Variants in DAB1 observed in about 807,000 individuals in gnomAD.
DAB1 encodes the protein DAB adaptor protein 1.
DAB1 carries 15 observed loss-of-function variants against 64.6 expected under a neutral mutation model. The ratio of observed to expected loss-of-function variants is 0.23; its 90% CI spans 0.16 to 0.36. The LOEUF (loss-of-function observed/expected upper bound fraction) is 0.36, where lower values mean the gene tolerates loss of function less well. DAB1 is among the 10% of genes least tolerant of loss of function. The pLI is 1.00. For synonymous variants in DAB1, 235 were observed against 251.9 expected (o/e 0.93, Z 0.64); for missense variants, 596 against 706.7 (o/e 0.84, Z 1.78).
intron 1 of DAB1, among the ~76,000 whole-genome samples, chr1:57,292,933 G>T (rs61767391): frequency 1.3e-5 from 2 of 152,114 alleles, no homozygotes; most frequent in African/African-American, 4.8e-5. Flanking sequence ...AAGCTTCAAA[G>T]AGGATAAGCC....
chr1:58,122,076 T>C (rs1487881538), intron 5 of DAB1, among the ~76,000 whole-genome samples: 1 of 152,204 alleles, frequency 6.6e-6, no homozygotes, highest in Non-Finnish European at 1.5e-5. Context: ...TTCTTGATCA[T>C]GCTCTGAGGC....
At chr1:58,363,442 G>T (rs529301486) in intron 3 of DAB1, among the ~76,000 whole-genome samples, 10 of 152,280 alleles carry the variant, frequency 6.6e-5, no homozygotes, top group Admixed American at 2.0e-4. Flanking sequence ...CAACTGGTGT[G>T]GTCTGTTAAT....
At chr1:57,751,445 C>G (rs926946212) in intron 6 of DAB1, among the ~76,000 whole-genome samples, 2 of 152,014 alleles carry the variant, frequency 1.3e-5, no homozygotes, top group African/African-American at 2.4e-5. Context: ...GGGATGCTAC[C>G]TCTCAGCCAC....
intron 3 of DAB1, among the ~76,000 whole-genome samples, chr1:58,429,149 T>C (rs944731054): frequency 3.3e-5 from 5 of 152,240 alleles, no homozygotes; most frequent in Non-Finnish European, 7.3e-5. Context: ...CACACATTTA[T>C]AATTCCAGCA....
intron 1 of DAB1, among the ~76,000 whole-genome samples, chr1:57,872,597 C>A: frequency 6.6e-6 from 1 of 152,082 alleles, no homozygotes; most frequent in Admixed American, 6.6e-5. Flanking sequence ...GAAATAGGGC[C>A]CATTCCTCAT....
At chr1:57,194,332 T>C (rs592604) in intron 2 of DAB1, among the ~76,000 whole-genome samples, 26,778 of 152,198 alleles carry the variant, frequency 0.18, 4,766 homozygotes, top group African/African-American at 0.43. Context: ...TTAATGGATG[T>C]TCCTGTTTAG....
At chr1:57,524,489 AAG>A (rs1404550618) in intron 7 of DAB1, among the ~76,000 whole-genome samples, 2 of 152,210 alleles carry the variant, frequency 1.3e-5, no homozygotes, top group African/African-American at 4.8e-5. Context: ...TGAGTCCGAA[AAG>A]AGAGTCAGCA....
chr1:57,347,586 C>T (rs1012611751), intron 1 of DAB1, among the ~76,000 whole-genome samples: 2 of 152,122 alleles, frequency 1.3e-5, no homozygotes, highest in African/African-American at 4.8e-5. Context: ...TCTTCAGCCT[C>T]ATTTATATTT....
chr1:57,821,205 C>T (rs557662634), downstream of DAB1, among the ~76,000 whole-genome samples: 5 of 152,246 alleles, frequency 3.3e-5, no homozygotes, highest in Admixed American at 3.3e-4. Flanking sequence ...GAAAACCTCT[C>T]ACACAGAATT....
At chr1:57,439,425 C>CTTTTT (rs71051230) in intron 7 of DAB1, among the ~76,000 whole-genome samples, 17 of 97,994 alleles carry the variant, frequency 1.7e-4, no homozygotes, top group African/African-American at 2.9e-4. Context: ...GAGGTTTTTT[C>CTTTTT]TTTTTTTTTT....
chr1:57,850,385 A>C (rs1653465201), intron 1 of DAB1, among the ~76,000 whole-genome samples: 1 of 152,182 alleles, frequency 6.6e-6, no homozygotes, highest in Non-Finnish European at 1.5e-5. Context: ...AATTTGCCCA[A>C]GGACACGCTG....
At chr1:57,122,878 G>T (rs1415036641) in intron 4 of DAB1, among the ~76,000 whole-genome samples, 1 of 151,980 alleles carries the variant, frequency 6.6e-6, no homozygotes, top group African/African-American at 2.4e-5. Flanking sequence ...TTTATAAAGT[G>T]CCAAGAACTT....
intron 4 of DAB1, among the ~76,000 whole-genome samples, chr1:58,244,438 G>A (rs960673829): frequency 6.6e-6 from 1 of 152,178 alleles, no homozygotes; most frequent in African/African-American, 2.4e-5. Flanking sequence ...AATATGAAAT[G>A]AGTTAATATA....
At chr1:57,391,331 A>G (rs1278636913) in intron 1 of DAB1, among the ~76,000 whole-genome samples, 1 of 152,192 alleles carries the variant, frequency 6.6e-6, no homozygotes, top group East Asian at 1.9e-4. Flanking sequence ...TTCATGATCT[A>G]TTTTGTTGCA....
At chr1:58,514,530 C>CT (rs1307685024) in intron 2 of DAB1, among the ~76,000 whole-genome samples, 1 of 152,150 alleles carries the variant, frequency 6.6e-6, no homozygotes, top group Non-Finnish European at 1.5e-5. Flanking sequence ...AAGGTAAATC[C>CT]TGACACTGAA....
chr1:57,520,411 C>T (rs1644511653), intron 7 of DAB1, among the ~76,000 whole-genome samples: 1 of 152,048 alleles, frequency 6.6e-6, no homozygotes, highest in African/African-American at 2.4e-5. Flanking sequence ...CGTTTCTTTT[C>T]TAAGTTCATA....
At chr1:58,161,077 A>C (rs1390831882) in intron 4 of DAB1, among the ~76,000 whole-genome samples, 2 of 152,210 alleles carry the variant, frequency 1.3e-5, no homozygotes, top group African/African-American at 4.8e-5. Context: ...CCTAGGCAGG[A>C]AGATGGGACA....
At chr1:57,945,453 TTA>T (rs201662711) in intron 5 of DAB1, among the ~76,000 whole-genome samples, 3,569 of 150,796 alleles carry the variant, frequency 0.024, 146 homozygotes, top group African/African-American at 0.081. Context: ...ATTATTATTA[TTA>T]TTTTGGCAGA....
intron 5 of DAB1, among the ~76,000 whole-genome samples, chr1:57,998,121 A>G (rs1387480530): frequency 6.6e-6 from 1 of 152,146 alleles, no homozygotes; most frequent in Admixed American, 6.5e-5. Flanking sequence ...GTACTTCTAG[A>G]AATTCTGTGT....
Sources: gnomAD v4.1 joint callset for allele counts (sites outside exome capture counted in the v4.1 genomes callset) on GRCh38, gnomAD v4.1.1 for gene constraint, MANE v1.5 for transcripts, NCBI Gene and HGNC (gene_info 2026-07-23, HGNC 2026-07-21) for gene names.